Variants in WWP1 observed in about 807,000 individuals in gnomAD.
The protein encoded by WWP1 is NEDD4-like E3 ubiquitin-protein ligase WWP1.
In WWP1, 49 loss-of-function variants were observed where a neutral mutation model predicts 130.6. The ratio of observed to expected loss-of-function variants is 0.38; its 90% CI spans 0.30 to 0.48. WWP1 has a LOEUF of 0.48. Among genes scored for constraint, WWP1 ranks in the 20% least tolerant of loss-of-function variants. The pLI is 0.99. For missense variants in WWP1, 809 were observed against 1,100.6 expected (o/e 0.74, Z 3.75); for synonymous variants, 332 against 367.8 (o/e 0.90, Z 1.11).
At chr8:86,457,162 C>T (rs1387298009) in intron 21 of WWP1, among the ~76,000 whole-genome samples, 3 of 151,676 alleles carry the variant, frequency 2.0e-5, no homozygotes, top group Admixed American at 2.0e-4. Flanking sequence ...ACGAAAAAAA[C>T]TAAGAGATTA....
At chr8:86,411,979 A>C in intron 9 of WWP1, 105 bp downstream of exon 9, 1 of 1,126,928 alleles carries the variant, frequency 8.9e-7, no homozygotes, top group Non-Finnish European at 1.2e-6. Context: ...AGAACTTTGA[A>C]ATCTAAGTTG....
At chr8:86,382,251 A>C (rs1328807251) in intron 5 of WWP1, among the ~76,000 whole-genome samples, 1 of 152,164 alleles carries the variant, frequency 6.6e-6, no homozygotes, top group Non-Finnish European at 1.5e-5. Context: ...TACTTTTTCT[A>C]GACTGGGATT....
intron 7 of WWP1, 79 bp downstream of exon 7, chr8:86,398,717 T>C (rs1807811353): frequency 6.7e-7 from 1 of 1,493,066 alleles, no homozygotes; most frequent in South Asian, 1.2e-5. Context: ...TATTTTACCT[T>C]AGTTTAGAAT....
At chr8:86,369,305 T>C (rs1563471645) in intron 2 of WWP1, among the ~76,000 whole-genome samples, 1 of 152,182 alleles carries the variant, frequency 6.6e-6, no homozygotes, top group Non-Finnish European at 1.5e-5. Flanking sequence ...GTGCGGAGAA[T>C]AATTGTTGAA....
At chr8:86,419,808 G>T (rs1809097104) in intron 9 of WWP1, among the ~76,000 whole-genome samples, 1 of 152,006 alleles carries the variant, frequency 6.6e-6, no homozygotes, top group Non-Finnish European at 1.5e-5. Context: ...AGTACATTGG[G>T]GCCAATTAAA....
intron 5 of WWP1, among the ~76,000 whole-genome samples, chr8:86,393,762 C>G (rs1270362353): frequency 6.6e-6 from 1 of 152,230 alleles, no homozygotes; most frequent in Non-Finnish European, 1.5e-5. Flanking sequence ...TGGCCAGCCT[C>G]TAAATGGCCT....
intron 18 of WWP1, among the ~76,000 whole-genome samples, chr8:86,444,293 A>T (rs984760233): frequency 3.9e-5 from 6 of 152,222 alleles, no homozygotes; most frequent in African/African-American, 1.4e-4. Context: ...AATTTTGGGT[A>T]TGGGAGAAAT....
At chr8:86,351,657 G>A (rs1199012295) in intron 1 of WWP1, among the ~76,000 whole-genome samples, 1 of 152,080 alleles carries the variant, frequency 6.6e-6, no homozygotes, top group African/African-American at 2.4e-5. Context: ...GTTGCTAAAA[G>A]GGTAAGCACG....
intron 2 of WWP1, among the ~76,000 whole-genome samples, chr8:86,373,529 T>TTTG (rs957459796): frequency 3.9e-5 from 6 of 152,154 alleles, no homozygotes; most frequent in Non-Finnish European, 7.3e-5. Flanking sequence ...GATAGAGATT[T>TTTG]TTGTTGTTGT....
At chr8:86,399,224 C>T (rs529176071) in intron 7 of WWP1, among the ~76,000 whole-genome samples, 14 of 152,102 alleles carry the variant, frequency 9.2e-5, no homozygotes, top group South Asian at 8.3e-4. Context: ...GGTATCATAC[C>T]GCTCTCTGGA....
At chr8:86,379,657 G>A (rs1325757631) in intron 3 of WWP1, among the ~76,000 whole-genome samples, 1 of 152,062 alleles carries the variant, frequency 6.6e-6, no homozygotes, top group Non-Finnish European at 1.5e-5. Context: ...TCTGGAAGGG[G>A]TTATGATTAA....
chr8:86,393,166 T>C (rs897500576), intron 5 of WWP1, among the ~76,000 whole-genome samples: 2 of 152,086 alleles, frequency 1.3e-5, no homozygotes, highest in African/African-American at 2.4e-5. Flanking sequence ...GCTCTTATTT[T>C]TTTCTCTCAG....
In WWP1 at chr8:86,411,804, C is replaced by G; in HGVS notation, c.991C>G (p.Gln331Glu). 1 of 1,614,138 alleles carries G rather than the reference C, an allele frequency of 6.2e-7. No individual in the cohort carries two copies. Among genetic ancestry groups the G allele is most frequent in the Non-Finnish European group, 8.5e-7 (1 of 1,180,026 alleles). ...TGCTTTTGAAGCAGCCAAATCAAGACAGCCAGATGGGTGTATGGATCCTGT... is the reference window on the plus strand; with the variant it reads ...TGCTTTTGAAGCAGCCAAATCAAGAGAGCCAGATGGGTGTATGGATCCTGT... ...SSAFEAAKSR[Q>E]PDGCMDPVRQ... Residue 331 changes from glutamine (Q) to glutamate (E), a missense_variant, in exon 9 of 25, where the codon CAG becomes GAG. Gln to Glu is a conservative substitution (Grantham distance 29). Around this residue, in one of 3 missense-constraint regions of WWP1, gnomAD observed 97 missense variants for 80.4 expected, o/e 1.21. Transcript: ENST00000517970.
chr8:86,370,599 A>G (rs1353952727), intron 2 of WWP1, among the ~76,000 whole-genome samples: 2 of 152,124 alleles, frequency 1.3e-5, no homozygotes, highest in South Asian at 2.1e-4. Context: ...TTCTTTTTCA[A>G]TCATGGAATC....
At chr8:86,384,248 T>G (rs1825157616) in intron 5 of WWP1, among the ~76,000 whole-genome samples, 1 of 152,164 alleles carries the variant, frequency 6.6e-6, no homozygotes, top group Non-Finnish European at 1.5e-5. Flanking sequence ...AACATACGAA[T>G]TTGGTGGGGG....
chr8:86,364,419 T>C (rs1476498403), intron 1 of WWP1, among the ~76,000 whole-genome samples: 2 of 152,212 alleles, frequency 1.3e-5, no homozygotes, highest in Non-Finnish European at 1.5e-5. Context: ...GTATGGTGCA[T>C]TTTAATGTAA....
intron 17 of WWP1, chr8:86,440,640 C>G: frequency 2.2e-6 from 1 of 449,734 alleles, no homozygotes; most frequent in Non-Finnish European, 4.4e-6. Context: ...ATATTAAGAT[C>G]TTCCTTAATG....
chr8:86,423,028 TG>T lies in WWP1; in HGVS notation c.1062-2194del, dbSNP rs1302747254. Among the ~76,000 whole-genome samples the T allele has an allele frequency of 9.2e-5, 14 of 151,470 alleles. No individual in the cohort carries two copies. In the East Asian group the frequency reaches 2.7e-3, roughly 29 times the overall value. ...AGTATATTATTTCATAGACACTTTG[TG>T]CCTTGGATTTAATATTAAGTTGAAG... is the stretch of plus-strand genomic sequence containing the variant. On this transcript the variant is annotated intron_variant, in intron 9 of 24. Coordinates refer to ENST00000517970, the MANE Select transcript of WWP1 (RefSeq NM_007013.4).
chr8:86,388,561 T>G (rs1305499291), intron 5 of WWP1, among the ~76,000 whole-genome samples: 2 of 152,168 alleles, frequency 1.3e-5, no homozygotes, highest in Admixed American at 1.3e-4. Flanking sequence ...CATATTGCCT[T>G]TTTTTCCCTC....
Sources: allele counts gnomAD v4.1 joint callset (sites outside exome capture counted in the v4.1 genomes callset), GRCh38; gene constraint gnomAD v4.1.1; regional missense constraint gnomAD v4.1.1; transcripts MANE v1.5; gene names NCBI Gene and HGNC (gene_info 2026-07-23, HGNC 2026-07-21).